PTPRM: variants seen among roughly 807,000 people sequenced by gnomAD.
The protein encoded by PTPRM is receptor-type tyrosine-protein phosphatase mu.
A neutral mutation model predicts 186.7 loss-of-function variants in PTPRM; 47 were observed. The observed-to-expected ratio is 0.25, with a 90% CI of 0.20 to 0.32. The LOEUF (loss-of-function observed/expected upper bound fraction) is 0.32. PTPRM is among the 10% of genes least tolerant of loss of function. The pLI, the probability that PTPRM is intolerant of heterozygous loss-of-function variation, is 1.00. For synonymous variants in PTPRM, 668 were observed against 674.9 expected (o/e 0.99, Z 0.16); for missense variants, 1,494 against 1,865.0 (o/e 0.80, Z 3.66).
intron 1 of PTPRM, among the ~76,000 whole-genome samples, chr18:7,712,634 G>A (rs2040237234): frequency 6.6e-6 from 1 of 151,866 alleles, no homozygotes; most frequent in African/African-American, 2.4e-5. Flanking sequence ...AAAGGTTAGA[G>A]GAATTGCTAA....
chr18:8,180,235 A>T (rs1168395781), intron 14 of PTPRM, among the ~76,000 whole-genome samples: 1 of 152,188 alleles, frequency 6.6e-6, no homozygotes, highest in Admixed American at 6.5e-5. Flanking sequence ...TGTGGCATCA[A>T]AGTATATTAC....
In PTPRM at chr18:8,300,692, C is replaced by G. The variant is rs574284215; in HGVS notation, c.2842+4237C>G. Among the ~76,000 whole-genome samples, 7 of 152,200 alleles carry G rather than the reference C, an allele frequency of 4.6e-5. No individual in the cohort carries two copies. The East Asian group carries it at 1.4e-3, about 29-fold the overall frequency. On this transcript the variant is annotated intron_variant, in intron 20 of 32. Transcript: ENST00000580170. ...TGTCATTTACCCATGACCTCTGGGG[C>G]TACGTTTTCTAGCCCCCACCGCCCT...
chr18:8,074,524 C>T (rs917142882), intron 8 of PTPRM, among the ~76,000 whole-genome samples: 4 of 152,170 alleles, frequency 2.6e-5, no homozygotes, highest in South Asian at 2.1e-4. Flanking sequence ...TTCCCTCCAG[C>T]AGGGTATGGG....
intron 14 of PTPRM, among the ~76,000 whole-genome samples, chr18:8,238,655 T>TTTG (rs2094377313): frequency 1.1e-5 from 1 of 93,462 alleles, no homozygotes; most frequent in Non-Finnish European, 2.3e-5. Flanking sequence ...TTGTGTGTTT[T>TTTG]TTTTTTTTTT....
intron 1 of PTPRM, among the ~76,000 whole-genome samples, chr18:7,605,781 C>T (rs2037517544): frequency 6.6e-6 from 1 of 152,152 alleles, no homozygotes; most frequent in Admixed American, 6.5e-5. Context: ...TGGGAGAGGT[C>T]TGCCGTGTTG....
At chr18:7,694,790 G>T (rs1288952692) in intron 1 of PTPRM, among the ~76,000 whole-genome samples, 1 of 152,044 alleles carries the variant, frequency 6.6e-6, no homozygotes, top group Non-Finnish European at 1.5e-5. Context: ...ATGGGTGAAT[G>T]TATTCATGAA....
At chr18:8,316,240 C>T (rs2040167102) in intron 21 of PTPRM, among the ~76,000 whole-genome samples, 1 of 152,214 alleles carries the variant, frequency 6.6e-6, no homozygotes, top group African/African-American at 2.4e-5. Context: ...TCCTTGAGTA[C>T]AGGGACAGTG....
At chr18:7,627,136 A>G (rs1253937061) in intron 1 of PTPRM, among the ~76,000 whole-genome samples, 1 of 152,026 alleles carries the variant, frequency 6.6e-6, no homozygotes, top group Admixed American at 6.6e-5. Flanking sequence ...CCCCTGTGGA[A>G]GTTGTTGTTT....
intron 1 of PTPRM, among the ~76,000 whole-genome samples, chr18:7,769,281 A>G (rs1316450034): frequency 2.0e-5 from 3 of 152,104 alleles, no homozygotes; most frequent in Non-Finnish European, 2.9e-5. Flanking sequence ...GGATTCAAGT[A>G]TCTGCTTCAC....
intron 19 of PTPRM, among the ~76,000 whole-genome samples, chr18:8,284,673 T>C (rs2094937410): frequency 6.6e-6 from 1 of 152,086 alleles, no homozygotes; most frequent in Admixed American, 6.6e-5. Context: ...AGAGGATCTC[T>C]TCAGGTTGAG....
chr18:8,379,798 C>T (rs149968648), intron 28 of PTPRM, among the ~76,000 whole-genome samples: 6 of 152,186 alleles, frequency 3.9e-5, no homozygotes, highest in South Asian at 2.1e-4. Flanking sequence ...TGTGCTAACA[C>T]GGAAATTTTA....
chr18:8,295,376 G>A lies in PTPRM; in HGVS notation c.2755-992G>A, dbSNP rs371684924. Among the ~76,000 whole-genome samples, 17 of 151,640 alleles carry A rather than the reference G, an allele frequency of 1.1e-4. No individual in the cohort carries two copies. In the East Asian group the frequency reaches 2.3e-3, roughly 21 times the overall value. On this transcript the variant is annotated intron_variant, in intron 19 of 32. Transcript: ENST00000580170. ...GAACACCACAGGTGAGATGGAGACC[G>A]GGGAGGAAGGAAGAGCTTCTGTTTG...
intron 5 of PTPRM, among the ~76,000 whole-genome samples, chr18:7,946,046 A>G (rs1480767588): frequency 6.6e-6 from 1 of 152,158 alleles, no homozygotes; most frequent in African/African-American, 2.4e-5. Context: ...CATTCATATG[A>G]CTCACTAGAG....
intron 24 of PTPRM, among the ~76,000 whole-genome samples, chr18:8,371,295 C>CTT (rs1231297176): frequency 1.4e-4 from 21 of 152,346 alleles, no homozygotes; most frequent in African/African-American, 4.3e-4. Flanking sequence ...GCCCGTCTCT[C>CTT]TTTCTTTGTT....
intron 7 of PTPRM, among the ~76,000 whole-genome samples, chr18:8,056,078 T>A (rs1290221978): frequency 6.6e-6 from 1 of 152,194 alleles, no homozygotes; most frequent in Non-Finnish European, 1.5e-5. Flanking sequence ...GATATGCCAT[T>A]CTGTTATAAT....
At chr18:7,700,394 G>A (rs998762892) in intron 1 of PTPRM, among the ~76,000 whole-genome samples, 3 of 151,954 alleles carry the variant, frequency 2.0e-5, no homozygotes, top group Non-Finnish European at 2.9e-5. Flanking sequence ...AGCCAGGAAA[G>A]GGTGATTGGA....
In PTPRM at chr18:8,006,809, G is replaced by T. The variant is rs531228344; in HGVS notation, c.1132+51395G>T. 2.0e-5 allele frequency among the ~76,000 whole-genome samples: 3 copies of T among 152,300 alleles called. No individual in the cohort carries two copies. The East Asian group carries it at 5.8e-4, about 29-fold the overall frequency. ...CAAAAGATGCACAGGCAAAGTGGCC[G>T]CTTGTTGCATCTAAGTGTGGGTTTT... On this transcript the variant is annotated intron_variant, in intron 7 of 32. Coordinates refer to ENST00000580170, the MANE Select transcript of PTPRM (RefSeq NM_001105244.2).
chr18:7,714,909 C>T (rs1267880058), intron 1 of PTPRM, among the ~76,000 whole-genome samples: 10 of 152,152 alleles, frequency 6.6e-5, no homozygotes, highest in Non-Finnish European at 1.2e-4. Context: ...TAGGACCAGA[C>T]GGACTCACAG....
At chr18:7,843,964 CT>C (rs2046470591) in intron 2 of PTPRM, among the ~76,000 whole-genome samples, 1 of 152,160 alleles carries the variant, frequency 6.6e-6, no homozygotes, top group Admixed American at 6.5e-5. Context: ...TACATATGGC[CT>C]CTTCATGTGG....
Sources: gnomAD v4.1 joint callset for allele counts (sites outside exome capture counted in the v4.1 genomes callset) on GRCh38, gnomAD v4.1.1 for gene constraint, MANE v1.5 for transcripts, NCBI Gene and HGNC (gene_info 2026-07-23, HGNC 2026-07-21) for gene names.